Variants in CLASRP observed in about 807,000 individuals in gnomAD.
CLASRP encodes CLK4 associating serine/arginine rich protein, also known as CLK4-associating serine/arginine rich protein.
A neutral mutation model predicts 99.9 loss-of-function variants in CLASRP; 52 were observed. That is an observed-to-expected ratio of 0.52 (90% CI 0.42 to 0.66). CLASRP has a LOEUF of 0.66. Ranked by LOEUF, CLASRP falls within the 30% of genes least tolerant of loss-of-function variation. The pLI is 0.00. For synonymous variants in CLASRP, 379 were observed against 373.0 expected (o/e 1.02, Z -0.18); for missense variants, 848 against 999.2 (o/e 0.85, Z 2.04).
At chr19:45,065,080 A>C (rs767805842) in intron 13 of CLASRP, among the ~76,000 whole-genome samples, 2 of 152,024 alleles carry the variant, frequency 1.3e-5, no homozygotes, top group Non-Finnish European at 2.9e-5. Flanking sequence ...TGGGGAAGCG[A>C]AGCGGGTGGA....
At chr19:45,059,232 C>T (rs1367882610) in intron 7 of CLASRP, 36 bp from the exon 8 acceptor site, 20 of 1,567,322 alleles carry the variant, frequency 1.3e-5, no homozygotes, top group Middle Eastern at 1.7e-4. Context: ...TCCTCTCGCT[C>T]GGCCGTGGCT....
At position 45,070,087 on chromosome 19, in the gene CLASRP, C is replaced by A; in HGVS notation, c.1940C>A (p.Ser647Ter). The A allele has an allele frequency of 6.3e-7, 1 of 1,597,042 alleles. No individual in the cohort carries two copies. The highest frequency in any genetic ancestry group is 8.6e-7 in the Non-Finnish European group (1 of 1,164,466). ...WERQYSRQSR[S>*]PSPRYSREYS... is the part of the protein sequence containing the mutation. The stretch of plus-strand genomic sequence containing the variant: ...CGCCAGTACAGCCGGCAGAGCCGCT[C>A]ACCCTCCCCCCGATACAGTGAGTGT... The change falls in exon 19 of 21, where the codon TCA becomes TAA. Residue 647 changes from serine (S) to a stop codon, truncating the protein, a stop_gained. Transcript: ENST00000221455. LOFTEE classifies it high-confidence loss of function.
chr19:45,068,376 T>C (rs1967146222), intron 15 of CLASRP, 44 bp from the exon 16 acceptor site: 2 of 844,838 alleles, frequency 2.4e-6, no homozygotes, highest in Non-Finnish European at 1.9e-6. Flanking sequence ...GTGGGAGCTC[T>C]GGGACACCCA....
intron 6 of CLASRP, 83 bp from the exon 7 acceptor site, chr19:45,057,667 C>A: frequency 2.0e-6 from 3 of 1,518,226 alleles, no homozygotes; most frequent in South Asian, 2.4e-5. Context: ...GGGGCCGTGG[C>A]ACTCGAGACT....
intron 16 of CLASRP, 100 bp from the exon 17 acceptor site, chr19:45,068,966 G>C: frequency 8.9e-7 from 1 of 1,127,530 alleles, no homozygotes; most frequent in Middle Eastern, 2.2e-4. Flanking sequence ...CTCCAGCCTG[G>C]GCGACAGAGC....
At chr19:45,057,224 T>A (rs1462378177) in intron 6 of CLASRP, among the ~76,000 whole-genome samples, 1 of 152,202 alleles carries the variant, frequency 6.6e-6, no homozygotes, top group South Asian at 2.1e-4. Flanking sequence ...GGCTCGGGGC[T>A]GGGCAGCTCC....
rs1966921777 is a variant in CLASRP at position 45,060,760 on chromosome 19, C to T, written c.863+133C>T. 1.4e-6 allele frequency: 1 copy of T among 716,118 alleles called. No homozygotes were observed. The highest frequency in any genetic ancestry group is 2.7e-5 in the East Asian group (1 of 36,734). The allele number at this position is 716,118 out of a possible 1,614,324, so 44.4% of individuals were successfully genotyped here. Reference sequence around the variant, plus strand: ...GTCTTTCTAGTGGGGCGATGCATGGCCATCGTGAAGGTTTAGAGGTAGGAA... The same window carrying T: ...GTCTTTCTAGTGGGGCGATGCATGGTCATCGTGAAGGTTTAGAGGTAGGAA... On this transcript the variant is annotated intron_variant, in intron 10 of 20. Coordinates refer to ENST00000221455, the MANE Select transcript of CLASRP (RefSeq NM_007056.3). The surrounding 1 kb of genome is among the most constrained non-coding windows in gnomAD (Gnocchi z 4.6).
At chr19:45,047,255 A>G (rs1279709730) in intron 2 of CLASRP, among the ~76,000 whole-genome samples, 1 of 152,110 alleles carries the variant, frequency 6.6e-6, no homozygotes, top group African/African-American at 2.4e-5. Flanking sequence ...TGTTATGCTA[A>G]GTGAAATAAG....
chr19:45,068,888 GGC>G (rs1431046495), intron 16 of CLASRP, among the ~76,000 whole-genome samples, 176 bp from the exon 17 acceptor site: 1 of 152,078 alleles, frequency 6.6e-6, no homozygotes, highest in East Asian at 1.9e-4. Flanking sequence ...CTACTCAGGA[GGC>G]TGAGGCAGGA....
At chr19:45,057,954 C>G in intron 7 of CLASRP, 56 bp downstream of exon 7, 1 of 1,605,920 alleles carries the variant, frequency 6.2e-7, no homozygotes, top group Non-Finnish European at 8.5e-7. Flanking sequence ...GTTTCTGTGT[C>G]TCGTCCCTCA....
chr19:45,060,543 C>T lies in CLASRP; in HGVS notation c.790-11C>T. On this transcript the variant is annotated splice_polypyrimidine_tract_variant and intron_variant, in intron 9 of 20. Coordinates refer to ENST00000221455, the MANE Select transcript of CLASRP (RefSeq NM_007056.3). The surrounding 1 kb of genome is among the most constrained non-coding windows in gnomAD (Gnocchi z 4.6). ...CACCCCCTCACCAACCTGGCACCCA[C>T]CCTACTCCAGGGACGCCGCTCTCGA... 2 of 1,613,746 alleles carry T rather than the reference C, an allele frequency of 1.2e-6. No homozygotes were observed. The highest frequency in any genetic ancestry group is 1.7e-6 in the Non-Finnish European group (2 of 1,179,784).
chr19:45,039,280 C>T (rs1463658654), intron 1 of CLASRP, among the ~76,000 whole-genome samples, 172 bp downstream of exon 1: 2 of 152,174 alleles, frequency 1.3e-5, no homozygotes, highest in Non-Finnish European at 2.9e-5. Context: ...AGCCCGTGCC[C>T]CGGCTGTGGG....
In CLASRP at chr19:45,069,205, CG is replaced by C; in HGVS notation, c.1834del (p.Glu612LysfsTer13). 1 of 1,613,990 alleles carries C rather than the reference CG, an allele frequency of 6.2e-7. No homozygotes were observed. The highest frequency in any genetic ancestry group is 1.1e-5 in the South Asian group (1 of 91,088). ...CTCATAGCCCTGTCTGCTGCAGGAG[CG>C]GGAAGACGAGCTTCGAGCCATGGCC... ...MIQQEHERQE[R>X]EDELRAMARK... is the part of the protein sequence containing the mutation. On this transcript the variant is annotated frameshift_variant, in exon 18 of 21. Transcript: ENST00000221455. LOFTEE classifies it high-confidence loss of function.
chr19:45,068,567 G>T, intron 16 of CLASRP, 87 bp downstream of exon 16: 1 of 1,049,700 alleles, frequency 9.5e-7, no homozygotes, highest in South Asian at 1.3e-5. Flanking sequence ...ACTTTGGGAG[G>T]CCTGGCCCTT....
At chr19:45,047,218 T>C (rs1971935273) in intron 2 of CLASRP, among the ~76,000 whole-genome samples, 1 of 152,094 alleles carries the variant, frequency 6.6e-6, no homozygotes, top group Non-Finnish European at 1.5e-5. Context: ...TCCTGTCCTA[T>C]GCTACAATAT....
At chr19:45,058,519 G>A (rs1422889072) in intron 7 of CLASRP, among the ~76,000 whole-genome samples, 1 of 152,134 alleles carries the variant, frequency 6.6e-6, no homozygotes, top group East Asian at 1.9e-4. Flanking sequence ...CCAAGTAGCT[G>A]AGACTAAAGG....
At position 45,064,383 on chromosome 19, in the gene CLASRP, A is replaced by G. The variant is rs764923718; in HGVS notation, c.1162A>G (p.Arg388Gly). 2.0e-6 allele frequency: 3 copies of G among 1,531,750 alleles called. No homozygotes were observed. Among genetic ancestry groups the G allele is most frequent in the Non-Finnish European group, 2.6e-6 (3 of 1,143,538 alleles). The allele number at this position is 1,531,750 out of a possible 1,614,324, so 94.9% of individuals were successfully genotyped here. ...CTCCTCCTCCTCCTCTTCTGCCTCGAGGACCTCCAGCTCCCGCTCCAGCTC... is the reference window on the plus strand; with the variant it reads ...CTCCTCCTCCTCCTCTTCTGCCTCGGGGACCTCCAGCTCCCGCTCCAGCTC... ...SSSSSSSSAS[R>G]TSSSRSSSRS... The change falls in exon 13 of 21, where the codon AGG (arginine) becomes GGG (glycine). Residue 388 changes from arginine (R) to glycine (G), a missense_variant. By Grantham distance (125) the Arg-to-Gly change is moderately radical. This residue lies in a region of CLASRP where 489 missense variants were observed against 434.7 expected (regional missense o/e 1.12). Coordinates refer to ENST00000221455, the MANE Select transcript of CLASRP (RefSeq NM_007056.3).
intron 15 of CLASRP, 105 bp from the exon 16 acceptor site, chr19:45,068,315 C>T (rs1276603365): frequency 2.5e-5 from 16 of 630,982 alleles, no homozygotes; most frequent in Admixed American, 2.3e-4. Context: ...TCGTTCTCCC[C>T]CCCCCACCCC....
chr19:45,057,227 G>A (rs1195344265), intron 6 of CLASRP, among the ~76,000 whole-genome samples: 1 of 152,194 alleles, frequency 6.6e-6, no homozygotes, highest in African/African-American at 2.4e-5. Context: ...TCGGGGCTGG[G>A]CAGCTCCCTC....
Sources: allele counts gnomAD v4.1 joint callset (sites outside exome capture counted in the v4.1 genomes callset), GRCh38; gene constraint gnomAD v4.1.1; regional missense constraint gnomAD v4.1.1; non-coding constraint Gnocchi (gnomAD v3.1); transcripts MANE v1.5; gene names NCBI Gene and HGNC (gene_info 2026-07-23, HGNC 2026-07-21).